KLHL29: variants seen among roughly 807,000 people sequenced by gnomAD.
KLHL29 encodes kelch-like protein 29.
In KLHL29, 21 loss-of-function variants were observed where a neutral mutation model predicts 80.4. The ratio of observed to expected loss-of-function variants is 0.26; its 90% CI spans 0.19 to 0.38. The LOEUF is 0.38. KLHL29 is among the 10% of genes least tolerant of loss of function. The probability of loss-of-function intolerance (pLI) is 1.00; values close to 1 mark genes in which losing one functional copy is unlikely to be tolerated. For missense variants in KLHL29, 867 were observed against 1,223.9 expected (o/e 0.71, Z 4.35); for synonymous variants, 511 against 526.8 (o/e 0.97, Z 0.41).
At chr2:23,569,068 G>A (rs189301452) in intron 3 of KLHL29, among the ~76,000 whole-genome samples, 1 of 152,336 alleles carries the variant, frequency 6.6e-6, no homozygotes, top group East Asian at 1.9e-4. Context: ...TCCAATGCTT[G>A]ATCCTGTCAC....
chr2:23,455,376 C>T (rs1309221143), intron 1 of KLHL29, among the ~76,000 whole-genome samples: 1 of 152,098 alleles, frequency 6.6e-6, no homozygotes, highest in African/African-American at 2.4e-5. Flanking sequence ...AATAGTTTTG[C>T]TAGATTTGGT....
intron 3 of KLHL29, among the ~76,000 whole-genome samples, chr2:23,586,597 G>C (rs191745540): frequency 6.6e-6 from 1 of 152,048 alleles, no homozygotes; most frequent in African/African-American, 2.4e-5. Flanking sequence ...CTGACCTCAG[G>C]TGATCCGTCC....
Position 23,682,264 on chromosome 2 carries a change from G to A in KLHL29, c.941-2135G>A, listed in dbSNP as rs373582503. ...CACTGCACACTCCCACCCGCTGAGC[G>A]CTCCCTGTGTGCCCGCCACATGCTG... On this transcript the variant is annotated intron_variant, in intron 5 of 13. Coordinates refer to ENST00000486442, the MANE Select transcript of KLHL29 (RefSeq NM_052920.2). This position sits in a 1 kb window ranked among gnomAD's most constrained non-coding sequence, Gnocchi z 4.1. 3.4e-4 allele frequency among the ~76,000 whole-genome samples: 52 copies of A among 152,146 alleles called. No homozygotes were observed. The highest frequency in any genetic ancestry group is 5.9e-4 in the Non-Finnish European group (40 of 67,992).
chr2:23,663,070 G>A (rs1670456980), intron 5 of KLHL29, among the ~76,000 whole-genome samples: 1 of 152,110 alleles, frequency 6.6e-6, no homozygotes, highest in Admixed American at 6.6e-5. Context: ...TCTCCGAGAG[G>A]GTGGCAGGTG....
chr2:23,481,295 G>A (rs990393440), intron 2 of KLHL29, among the ~76,000 whole-genome samples: 9 of 152,228 alleles, frequency 5.9e-5, no homozygotes, highest in African/African-American at 1.9e-4. Context: ...ACGGTTTCAT[G>A]TAGGCAACAT....
chr2:23,399,996 G>A (rs576515348), intron 1 of KLHL29, among the ~76,000 whole-genome samples: 2 of 152,188 alleles, frequency 1.3e-5, no homozygotes, highest in South Asian at 2.1e-4. Context: ...TTTGGAGACC[G>A]CTGACAGTGA....
At chr2:23,611,958 G>GA (rs1195391643) in intron 3 of KLHL29, among the ~76,000 whole-genome samples, 2 of 151,056 alleles carry the variant, frequency 1.3e-5, no homozygotes, top group Admixed American at 6.6e-5. Context: ...AGAGACCAGA[G>GA]AAAAAATGCA....
rs1316075648 is a variant in KLHL29 at position 23,695,866 on chromosome 2, G to A, written c.1741+45G>A. 6.5e-7 allele frequency: 1 copy of A among 1,536,760 alleles called. No homozygotes were observed. The highest frequency in any genetic ancestry group is 1.4e-5 in the African/African-American group (1 of 72,970). On this transcript the variant is annotated intron_variant, in intron 9 of 13. Transcript: ENST00000486442. The surrounding 1 kb of genome is among the most constrained non-coding windows in gnomAD (Gnocchi z 7.6). Reference sequence around the variant, plus strand: ...GAACCTCCCAAGAAGCAGTGTCTTGGGCTCAGTGGTTCCAGTGAGGTGCCA... The same window carrying A: ...GAACCTCCCAAGAAGCAGTGTCTTGAGCTCAGTGGTTCCAGTGAGGTGCCA...
intron 1 of KLHL29, among the ~76,000 whole-genome samples, chr2:23,413,686 A>G (rs1311932523): frequency 6.6e-6 from 1 of 152,090 alleles, no homozygotes; most frequent in Non-Finnish European, 1.5e-5. Flanking sequence ...ATGGCCCTGC[A>G]GTGTTTGTCT....
chr2:23,615,395 C>T (rs1033850606), intron 3 of KLHL29, among the ~76,000 whole-genome samples: 5 of 152,192 alleles, frequency 3.3e-5, no homozygotes, highest in Admixed American at 6.5e-5. Context: ...AACCTGGGAT[C>T]CTGAGACACC....
intron 2 of KLHL29, among the ~76,000 whole-genome samples, chr2:23,499,546 C>T (rs896159761): frequency 2.0e-5 from 3 of 152,182 alleles, no homozygotes; most frequent in Non-Finnish European, 4.4e-5. Context: ...TAATCGGAAT[C>T]ACCGTCTGAT....
chr2:23,487,154 C>T (rs1395464389), intron 2 of KLHL29, among the ~76,000 whole-genome samples: 1 of 151,902 alleles, frequency 6.6e-6, no homozygotes, highest in East Asian at 1.9e-4. Context: ...TACCTCTTGT[C>T]ATTTGTCCAG....
chr2:23,658,533 G>C (rs1670309415), intron 5 of KLHL29, among the ~76,000 whole-genome samples: 1 of 152,172 alleles, frequency 6.6e-6, no homozygotes, highest in Admixed American at 6.5e-5. Flanking sequence ...TCTGCCCAGA[G>C]GCATGAGGCT....
rs752272977 is a variant in KLHL29 at position 23,707,381 on chromosome 2, T to G, written c.*717T>G. ...TATTTAGATTTCTGAGGCATTTTCT[T>G]GATAAACAAAAGGCTATTTTTAAGT... On this transcript the variant is annotated 3_prime_UTR_variant, in exon 14 of 14. Coordinates refer to ENST00000486442, the MANE Select transcript of KLHL29 (RefSeq NM_052920.2). The G allele has an allele frequency of 4.6e-5, 7 of 152,210 alleles. No individual in the cohort carries two copies. The highest frequency in any genetic ancestry group is 8.8e-5 in the Non-Finnish European group (6 of 68,028). The allele number at this position is 152,210 out of a possible 1,614,324, so 9.4% of individuals were successfully genotyped here.
intron 2 of KLHL29, among the ~76,000 whole-genome samples, chr2:23,497,885 G>A (rs1033435169): frequency 3.9e-5 from 6 of 152,162 alleles, no homozygotes; most frequent in African/African-American, 9.7e-5. Flanking sequence ...CAGGAGCACC[G>A]GGTAGAAAGT....
chr2:23,489,384 C>A (rs920208003), intron 2 of KLHL29, among the ~76,000 whole-genome samples: 2 of 151,952 alleles, frequency 1.3e-5, no homozygotes, highest in Non-Finnish European at 2.9e-5. Context: ...GTCCCTATTC[C>A]GGTGGCTCCT....
At chr2:23,551,818 TCCCAGGGCAAGG>T (rs945218744) in intron 2 of KLHL29, among the ~76,000 whole-genome samples, 50 of 152,276 alleles carry the variant, frequency 3.3e-4, no homozygotes, top group African/African-American at 1.2e-3. Context: ...GACTCAGTAG[TCCCAGGGCAAGG>T]CCCAAGACTC....
rs73919744 is a variant in KLHL29 at position 23,535,791 on chromosome 2, T to C, written c.-45-26361T>C. Among the ~76,000 whole-genome samples, 326 of 151,978 alleles carry C rather than the reference T, an allele frequency of 2.1e-3. 5 individuals are homozygous for C. In the South Asian group the frequency reaches 0.048, roughly 22 times the overall value. ...GAGTTATTGTTTTTAGTGGGCAGAGTTTCAGTTTGGAAAGATGAAACATTT... is the reference window on the plus strand; with the variant it reads ...GAGTTATTGTTTTTAGTGGGCAGAGCTTCAGTTTGGAAAGATGAAACATTT... On this transcript the variant is annotated intron_variant, in intron 2 of 13. Coordinates refer to ENST00000486442, the MANE Select transcript of KLHL29 (RefSeq NM_052920.2).
intron 2 of KLHL29, among the ~76,000 whole-genome samples, chr2:23,508,744 G>C (rs904017756): frequency 6.6e-6 from 1 of 152,210 alleles, no homozygotes; most frequent in South Asian, 2.1e-4. Context: ...CCCCACACTG[G>C]GTTCCCACAA....
Sources: gnomAD v4.1 joint callset for allele counts (sites outside exome capture counted in the v4.1 genomes callset) on GRCh38, gnomAD v4.1.1 for gene constraint, Gnocchi (gnomAD v3.1) non-coding constraint, MANE v1.5 for transcripts, NCBI Gene and HGNC (gene_info 2026-07-23, HGNC 2026-07-21) for gene names.